Variants in KDM3A observed in about 807,000 individuals in gnomAD.
The protein encoded by KDM3A is lysine-specific demethylase 3A.
In KDM3A, 60 loss-of-function variants were observed where a neutral mutation model predicts 158.0. The ratio of observed to expected loss-of-function variants is 0.38; its 90% CI spans 0.31 to 0.47. The LOEUF is 0.47. Ranked by LOEUF, KDM3A falls within the 20% of genes least tolerant of loss-of-function variation. KDM3A has a pLI of 0.99. For missense variants in KDM3A, 1,319 were observed against 1,574.3 expected (o/e 0.84, Z 2.74); for synonymous variants, 608 against 549.3 (o/e 1.11, Z -1.49).
chr2:86,478,342 T>A, intron 14 of KDM3A, 77 bp downstream of exon 14: 1 of 1,078,334 alleles, frequency 9.3e-7, no homozygotes, highest in Non-Finnish European at 1.4e-6. Flanking sequence ...TGTTTTCCTT[T>A]ATTACTCGTT....
intron 8 of KDM3A, among the ~76,000 whole-genome samples, chr2:86,457,719 G>C (rs1469250673): frequency 6.6e-6 from 1 of 152,178 alleles, no homozygotes; most frequent in Non-Finnish European, 1.5e-5. Flanking sequence ...TTTGGGTGTT[G>C]AAATAGGACC....
intron 15 of KDM3A, chr2:86,479,769 C>G (rs1376472700): frequency 6.3e-6 from 1 of 158,882 alleles, no homozygotes; most frequent in African/African-American, 2.4e-5. Flanking sequence ...GAAATCACCG[C>G]TTTACCTTTC....
Position 86,480,254 on chromosome 2 carries a change from G to A in KDM3A, c.2404G>A (p.Ala802Thr). 1 of 1,613,774 alleles carries A rather than the reference G, an allele frequency of 6.2e-7. No homozygotes were observed. The highest frequency in any genetic ancestry group is 8.5e-7 in the Non-Finnish European group (1 of 1,180,030). The change falls in exon 16 of 26, where the codon GCA becomes ACA. Residue 802 changes from alanine (A) to threonine (T), a missense_variant. Coordinates refer to ENST00000312912, the MANE Select transcript of KDM3A (RefSeq NM_018433.6). ...GGAGCCAGCAGCTGTGGGTGGGGAA[G>A]CAGCCTCCAAGCCAGCCGGCAGCAT... is the stretch of plus-strand genomic sequence containing the variant. ...VLEPAAVGGE[A>T]ASKPAGSMKP... is the part of the protein sequence containing the mutation.
chr2:86,442,277 A>C, intron 2 of KDM3A, 44 bp downstream of exon 2: 1 of 1,546,668 alleles, frequency 6.5e-7, no homozygotes, highest in Non-Finnish European at 8.8e-7. Flanking sequence ...TTTCGCAGTT[A>C]CCGTGGTAAC....
At position 86,492,189 on chromosome 2, in the gene KDM3A, T is replaced by C; in HGVS notation, c.*70T>C. Reference sequence around the variant, plus strand: ...CTTCAGGCAGGATTCCTGTGGACTTTGAGATTCATGTTACCTCATCTTCTT... The same window carrying C: ...CTTCAGGCAGGATTCCTGTGGACTTCGAGATTCATGTTACCTCATCTTCTT... On this transcript the variant is annotated 3_prime_UTR_variant, in exon 26 of 26. Coordinates refer to ENST00000312912, the MANE Select transcript of KDM3A (RefSeq NM_018433.6). The C allele has an allele frequency of 9.0e-7, 1 of 1,109,082 alleles. No individual in the cohort carries two copies. The highest frequency in any genetic ancestry group is 1.8e-5 in the Admixed American group (1 of 54,638). 68.7% of individuals were successfully genotyped at this position (1,109,082 alleles called of 1,614,324 possible). A position where few individuals can be genotyped will look rare whatever the true frequency, so the allele number is the denominator to read the frequency against.
chr2:86,483,481 G>A (rs1419193688), intron 18 of KDM3A: 1 of 152,464 alleles, frequency 6.6e-6, no homozygotes, highest in Non-Finnish European at 1.5e-5. Context: ...TTTCTTGCTT[G>A]TCAATATTTT....
Position 86,478,019 on chromosome 2 carries a change from T to A in KDM3A, c.2082T>A (p.Asn694Lys), listed in dbSNP as rs2104691132. Reference sequence around the variant, plus strand: ...ACTGCTACCGGATGAAGAGAAAGAATTGCCAACAGGGTGAGAACCGATTTG... The same window carrying A: ...ACTGCTACCGGATGAAGAGAAAGAAATGCCAACAGGGTGAGAACCGATTTG... ...CVDCYRMKRK[N>K]CQQGAAYKTF... The change falls in exon 13 of 26, where the codon AAT (asparagine) becomes AAA (lysine). Residue 694 changes from asparagine (N) to lysine (K), a missense_variant. Asn to Lys is a moderately conservative substitution (Grantham distance 94, BLOSUM62 0). This residue lies in a region of KDM3A where 368 missense variants were observed against 415.8 expected (regional missense o/e 0.89). Coordinates refer to ENST00000312912, the MANE Select transcript of KDM3A (RefSeq NM_018433.6). The A allele has an allele frequency of 6.2e-7, 1 of 1,614,102 alleles. No homozygotes were observed. The highest frequency in any genetic ancestry group is 2.2e-5 in the East Asian group (1 of 44,860).
chr2:86,458,271 G>A (rs1672786834), intron 8 of KDM3A, among the ~76,000 whole-genome samples: 1 of 152,168 alleles, frequency 6.6e-6, no homozygotes, highest in Non-Finnish European at 1.5e-5. Context: ...AATCTTTCCT[G>A]TATACAGGCA....
chr2:86,457,155 AATT>A (rs771064360), intron 8 of KDM3A, 84 bp downstream of exon 8: 2 of 495,712 alleles, frequency 4.0e-6, no homozygotes, highest in Non-Finnish European at 6.5e-6. Context: ...TTATTTATTT[AATT>A]ATTTTTATTT....
chr2:86,480,578 T>TA (rs1673878328), intron 16 of KDM3A, among the ~76,000 whole-genome samples: 1 of 152,206 alleles, frequency 6.6e-6, no homozygotes, highest in African/African-American at 2.4e-5. Context: ...CTGGCTGTGT[T>TA]ACAGAAGAGA....
In KDM3A at chr2:86,466,450, T is replaced by A. The variant is rs1402796260; in HGVS notation, c.1086T>A (p.Asp362Glu). ...TKSEALRTKP[D>E]VCKAGLLSKS... ...CTGAAGCTCTGAGAACAAAACCAGA[T>A]GTCTGCAAAGCAGGGTTGCTCTCAA... is the stretch of plus-strand genomic sequence containing the variant. Residue 362 changes from aspartate to glutamate, a missense_variant, in exon 10 of 26, where the codon GAT becomes GAA. Coordinates refer to ENST00000312912, the MANE Select transcript of KDM3A (RefSeq NM_018433.6). 1.9e-6 allele frequency: 3 copies of A among 1,613,836 alleles called. No individual in the cohort carries two copies. The highest frequency in any genetic ancestry group is 1.7e-6 in the Non-Finnish European group (2 of 1,179,808).
intron 11 of KDM3A, among the ~76,000 whole-genome samples, chr2:86,471,275 ATGTG>A (rs1303187098): frequency 1.5e-5 from 2 of 133,718 alleles, no homozygotes; most frequent in East Asian, 2.3e-4. Flanking sequence ...ATGTGTATAT[ATGTG>A]TGTATATATG....
intron 11 of KDM3A, 52 bp downstream of exon 11, chr2:86,470,460 G>T (rs1673353247): frequency 6.9e-7 from 1 of 1,443,688 alleles, no homozygotes; most frequent in Non-Finnish European, 9.7e-7. Flanking sequence ...TGTTATGCTA[G>T]ATCATCTGGC....
intron 19 of KDM3A, 91 bp downstream of exon 19, chr2:86,484,249 C>A: frequency 9.2e-7 from 1 of 1,082,282 alleles, no homozygotes; most frequent in Non-Finnish European, 1.3e-6. Context: ...GTGGCAGCCG[C>A]AGCATTTTCC....
chr2:86,489,945 T>G, intron 23 of KDM3A: 1 of 289,774 alleles, frequency 3.5e-6, no homozygotes, highest in Non-Finnish European at 6.4e-6. Context: ...AGTTAGTTCA[T>G]CTGATCATCT....
In KDM3A at chr2:86,490,973, T is replaced by C; in HGVS notation, c.3666T>C (p.Leu1222=). 6.2e-7 allele frequency: 1 copy of C among 1,613,980 alleles called. No individual in the cohort carries two copies. Among genetic ancestry groups the C allele is most frequent in the Non-Finnish European group, 8.5e-7 (1 of 1,179,888 alleles). The stretch of plus-strand genomic sequence containing the variant: ...TAGACCGATCATTAAGAAAACGTCT[T>C]CATCAAGAGTATGGAGTTCAAGGCT... ...WYLDRSLRKR[L]HQEYGVQGWA... Residue 1222 remains leucine, a synonymous_variant, in exon 24 of 26, where the codon CTT becomes CTC. Transcript: ENST00000312912.
rs530341726 is a variant in KDM3A at position 86,456,892 on chromosome 2, T to TA, written c.754+19dup. 1.3e-3 allele frequency: 2,085 copies of TA among 1,598,610 alleles called. 15 individuals are homozygous for TA. Among genetic ancestry groups the TA allele is most frequent in the East Asian group, 9.1e-3 (405 of 44,706 alleles). On this transcript the variant is annotated intron_variant, in intron 7 of 25. Transcript: ENST00000312912. ...TGTGACATGTGGTAAGATATGTTAT[T>TA]AAAATCTTTCTTCTCCTTCCTCCTT...
intron 2 of KDM3A, among the ~76,000 whole-genome samples, chr2:86,444,096 C>A (rs1188130209): frequency 2.0e-5 from 3 of 152,282 alleles, no homozygotes; most frequent in South Asian, 4.1e-4. Context: ...GGAGGAACTT[C>A]ACATGTATAT....
chr2:86,478,391 A>C, intron 14 of KDM3A, 126 bp downstream of exon 14: 1 of 835,842 alleles, frequency 1.2e-6, no homozygotes, highest in Non-Finnish European at 1.9e-6. Flanking sequence ...GTCCAGAAAT[A>C]TATTAGATAA....
Sources: allele counts gnomAD v4.1 joint callset (sites outside exome capture counted in the v4.1 genomes callset), GRCh38; gene constraint gnomAD v4.1.1; regional missense constraint gnomAD v4.1.1; transcripts MANE v1.5; gene names NCBI Gene and HGNC (gene_info 2026-07-23, HGNC 2026-07-21).